The following SLC24A1 variants were observed in gnomAD, a reference collection of about 807,000 sequenced individuals.
The protein encoded by SLC24A1 is sodium/potassium/calcium exchanger 1.
A neutral mutation model predicts 88.1 loss-of-function variants in SLC24A1; 52 were observed. The observed-to-expected ratio is 0.59, with a 90% CI of 0.47 to 0.74. The LOEUF (loss-of-function observed/expected upper bound fraction) is 0.74, where lower values mean the gene tolerates loss of function less well. SLC24A1 is among the 30% of genes least tolerant of loss of function. The probability of loss-of-function intolerance (pLI) is 0.00; values close to 1 mark genes in which losing one functional copy is unlikely to be tolerated. For synonymous variants in SLC24A1, 455 were observed against 498.0 expected (o/e 0.91, Z 1.15); for missense variants, 1,173 against 1,363.3 (o/e 0.86, Z 2.20).
rs1473123527 is a variant in SLC24A1, at chr15:65,656,036, A to T, written c.*1957A>T. On this transcript the variant is annotated 3_prime_UTR_variant, in exon 10 of 10. Coordinates refer to ENST00000261892, the MANE Select transcript of SLC24A1 (RefSeq NM_004727.3). ...ATAGCCAAGGCCTAAGAACAGGAGG[A>T]GAAGGCAATGCTTGTGGGAGGGAGG... The T allele has an allele frequency of 1.0e-6, 1 of 985,266 alleles. No homozygotes were observed. Among genetic ancestry groups the T allele is most frequent in the Admixed American group, 6.1e-5 (1 of 16,266 alleles). The allele number at this position is 985,266 out of a possible 1,614,324, so 61.0% of individuals were successfully genotyped here.
At chr15:65,646,059 G>A (rs1307616837) in intron 6 of SLC24A1, among the ~76,000 whole-genome samples, 1 of 152,122 alleles carries the variant, frequency 6.6e-6, no homozygotes, top group Non-Finnish European at 1.5e-5. Flanking sequence ...GGGATGCTGG[G>A]TGAAGGCTTT....
Position 65,656,217 on chromosome 15 carries a change from CT to C in SLC24A1, c.*2139del, listed in dbSNP as rs2075679233. 1 of 984,722 alleles carries C rather than the reference CT, an allele frequency of 1.0e-6. No individual in the cohort carries two copies. The highest frequency in any genetic ancestry group is 1.2e-6 in the Non-Finnish European group (1 of 829,300). 61.0% of individuals were successfully genotyped at this position (984,722 alleles called of 1,614,324 possible). A position where few individuals can be genotyped will look rare whatever the true frequency, so the allele number is the denominator to read the frequency against. On this transcript the variant is annotated 3_prime_UTR_variant, in exon 10 of 10. Coordinates refer to ENST00000261892, the MANE Select transcript of SLC24A1 (RefSeq NM_004727.3). ...TAAAATGCTGTGTAATGATAAAAGG[CT>C]GAAATATCCACTGAATGATTAAAAC...
chr15:65,624,373 G>T lies in SLC24A1; in HGVS notation c.293G>T (p.Gly98Val), dbSNP rs765944937. 2 of 1,613,680 alleles carry T rather than the reference G, an allele frequency of 1.2e-6. No individual in the cohort carries two copies. Among genetic ancestry groups the T allele is most frequent in the South Asian group, 1.1e-5 (1 of 91,012 alleles). The change falls in exon 2 of 10, where the codon GGC becomes GTC. Residue 98 changes from glycine (G) to valine (V), a missense_variant. Physicochemically the swap from Gly to Val is moderately radical, Grantham distance 109. Transcript: ENST00000261892. ...GKMLVPQASV[G>V]SDEATLSMTV... is the part of the protein sequence containing the mutation. ...ATGCTGGTACCCCAAGCCTCAGTGG[G>T]CAGTGATGAAGCAACACTGAGCATG...
At chr15:65,657,412 T>C (rs201332887), downstream of SLC24A1, among the ~76,000 whole-genome samples, 306 of 151,654 alleles carry the variant, frequency 2.0e-3, no homozygotes, top group African/African-American at 6.4e-3. Flanking sequence ...GAGGCCAAGG[T>C]GGGCGGATCA....
At position 65,639,196 on chromosome 15, in the gene SLC24A1, C is replaced by T. The variant is rs974002422; in HGVS notation, c.1945-399C>T. 2.6e-5 allele frequency among the ~76,000 whole-genome samples: 4 copies of T among 152,172 alleles called. No individual in the cohort carries two copies. The East Asian group carries it at 5.8e-4, about 22-fold the overall frequency. The stretch of plus-strand genomic sequence containing the variant: ...CTCTGGGAGTGGGGCAATGATAAAA[C>T]GTGATAATGCTCTTTGTGGACTGTA... On this transcript the variant is annotated intron_variant, in intron 3 of 9. Coordinates refer to ENST00000261892, the MANE Select transcript of SLC24A1 (RefSeq NM_004727.3).
chr15:65,622,302 A>G (rs1209980131), intron 1 of SLC24A1, among the ~76,000 whole-genome samples: 4 of 152,130 alleles, frequency 2.6e-5, no homozygotes, highest in African/African-American at 7.2e-5. Flanking sequence ...ACAAAGAAGG[A>G]AGTTCACTTA....
downstream of SLC24A1, among the ~76,000 whole-genome samples, chr15:65,657,696 T>A (rs1397639933): frequency 2.0e-5 from 3 of 152,216 alleles, no homozygotes; most frequent in African/African-American, 7.2e-5. Context: ...TATGTGCCAA[T>A]GAATACTCTT....
chr15:65,640,763 T>A lies in SLC24A1; in HGVS notation c.2053+1060T>A, dbSNP rs571388167. Among the ~76,000 whole-genome samples, 7 of 151,382 alleles carry A rather than the reference T, an allele frequency of 4.6e-5. No individual in the cohort carries two copies. In the East Asian group the frequency reaches 9.7e-4, roughly 21 times the overall value. ...GACAATATTGGGTTGTCAGTTGTTT[T>A]AAAAAAAAATACCAGCCAGGCATGG... On this transcript the variant is annotated intron_variant, in intron 4 of 9. Coordinates refer to ENST00000261892, the MANE Select transcript of SLC24A1 (RefSeq NM_004727.3).
Position 65,625,544 on chromosome 15 carries a change from G to A in SLC24A1, c.1464G>A (p.Leu488=). ...VPALGVITDK[L]QISEDVAGAT... ...CCCTGGGTGTCATCACAGACAAGCT[G>A]CAGATCTCCGAGGATGTGGCAGGCG... The change falls in exon 2 of 10, where the codon CTG becomes CTA. Residue 488 remains leucine, a synonymous_variant. Coordinates refer to ENST00000261892, the MANE Select transcript of SLC24A1 (RefSeq NM_004727.3). The A allele has an allele frequency of 6.2e-7, 1 of 1,614,054 alleles. No homozygotes were observed. The highest frequency in any genetic ancestry group is 8.5e-7 in the Non-Finnish European group (1 of 1,179,914).
chr15:65,623,116 T>C (rs1469409705), intron 1 of SLC24A1, among the ~76,000 whole-genome samples: 2 of 152,188 alleles, frequency 1.3e-5, no homozygotes, highest in African/African-American at 2.4e-5. Context: ...TCTAATTTAA[T>C]TTAAATTAAA....
At chr15:65,641,020 C>T (rs1011009846) in intron 4 of SLC24A1, among the ~76,000 whole-genome samples, 5 of 151,896 alleles carry the variant, frequency 3.3e-5, no homozygotes, top group African/African-American at 2.4e-5. Flanking sequence ...GAGATTGCAC[C>T]GCTGCACTCC....
intron 4 of SLC24A1, among the ~76,000 whole-genome samples, chr15:65,640,738 G>C (rs1046287092): frequency 6.6e-6 from 1 of 152,098 alleles, no homozygotes; most frequent in African/African-American, 2.4e-5. Flanking sequence ...CCTTTTCAGA[G>C]ACAATATTGG....
chr15:65,641,009 C>T (rs191712939), intron 4 of SLC24A1, among the ~76,000 whole-genome samples: 14 of 151,956 alleles, frequency 9.2e-5, no homozygotes, highest in Non-Finnish European at 2.1e-4. Flanking sequence ...TGTAGTGAGC[C>T]GAGATTGCAC....
In SLC24A1 at chr15:65,655,800, A is replaced by G. The variant is rs367908935; in HGVS notation, c.*1721A>G. The G allele has an allele frequency of 1.0e-6, 1 of 985,158 alleles. No homozygotes were observed. The highest frequency in any genetic ancestry group is 1.2e-6 in the Non-Finnish European group (1 of 829,704). 61.0% of individuals were successfully genotyped at this position (985,158 alleles called of 1,614,324 possible). A position where few individuals can be genotyped will look rare whatever the true frequency, so the allele number is the denominator to read the frequency against. The stretch of plus-strand genomic sequence containing the variant: ...TAATTAATTGCCTCGCTACCCCAGG[A>G]TTCTCATTCTTTGGAAATAATTTTT... On this transcript the variant is annotated 3_prime_UTR_variant, in exon 10 of 10. Coordinates refer to ENST00000261892, the MANE Select transcript of SLC24A1 (RefSeq NM_004727.3).
At chr15:65,651,640 ACTT>A (rs749091997) in intron 7 of SLC24A1, 27 bp from the exon 8 acceptor site, 5 of 1,188,708 alleles carry the variant, frequency 4.2e-6, no homozygotes, top group Non-Finnish European at 6.3e-6. Flanking sequence ...TCTACAGCTT[ACTT>A]CTTGTCCTTT....
chr15:65,644,350 G>T, intron 4 of SLC24A1, 77 bp from the exon 5 acceptor site: 2 of 1,024,972 alleles, frequency 2.0e-6, no homozygotes, highest in South Asian at 2.7e-5. Flanking sequence ...CTGCTCAGCT[G>T]ACTGTCCTAA....
chr15:65,638,143 A>T lies in SLC24A1; in HGVS notation c.1906A>T (p.Ile636Phe). The T allele has an allele frequency of 6.2e-7, 1 of 1,610,590 alleles. No homozygotes were observed. The highest frequency in any genetic ancestry group is 8.5e-7 in the Non-Finnish European group (1 of 1,178,386). ...EDLSKPGDGA[I>F]AVDELQDNKK... ...CTGTTTGCAGCCGGGCGATGGGGCC[A>T]TTGCGGTGGATGAGCTACAGGATAA... Residue 636 changes from isoleucine to phenylalanine, a missense_variant, in exon 3 of 10, where the codon ATT becomes TTT. Transcript: ENST00000261892.
chr15:65,650,355 C>T lies in SLC24A1; in HGVS notation c.2233-27C>T. On this transcript the variant is annotated intron_variant, in intron 6 of 9. Transcript: ENST00000261892. This position sits in a 1 kb window ranked among gnomAD's most constrained non-coding sequence, Gnocchi z 4.1. ...GAAAACAAGCAGAGCAGTTACCACA[C>T]ATTAATCTGTTGGTTTTGGATTGCA... is the stretch of plus-strand genomic sequence containing the variant. 6.5e-7 allele frequency: 1 copy of T among 1,534,520 alleles called. No homozygotes were observed. Among genetic ancestry groups the T allele is most frequent in the Non-Finnish European group, 8.8e-7 (1 of 1,133,186 alleles).
chr15:65,635,446 CAAAAAAA>C (rs56960432), intron 2 of SLC24A1, among the ~76,000 whole-genome samples: 148 of 58,360 alleles, frequency 2.5e-3, no homozygotes, highest in South Asian at 4.4e-3. Flanking sequence ...ACTCCGTCTC[CAAAAAAA>C]AAAAAAAAAA....
Sources: gnomAD v4.1 joint callset for allele counts (sites outside exome capture counted in the v4.1 genomes callset) on GRCh38, gnomAD v4.1.1 for gene constraint, Gnocchi (gnomAD v3.1) non-coding constraint, MANE v1.5 for transcripts, NCBI Gene and HGNC (gene_info 2026-07-23, HGNC 2026-07-21) for gene names.